The following IQCH variants were observed in gnomAD, a reference collection of about 807,000 sequenced individuals.
IQCH encodes the protein IQ domain-containing protein H.
Under a neutral mutation model 117.0 loss-of-function variants are expected in IQCH, and 98 were observed. The ratio of observed to expected loss-of-function variants is 0.84; its 90% CI spans 0.71 to 0.99. The LOEUF (loss-of-function observed/expected upper bound fraction) is 0.99, where lower values mean the gene tolerates loss of function less well. Among genes scored for constraint, IQCH ranks in the 50% least tolerant of loss-of-function variants. The pLI is 0.00. For synonymous variants in IQCH, 412 were observed against 448.2 expected (o/e 0.92, Z 1.02); for missense variants, 1,102 against 1,243.8 (o/e 0.89, Z 1.72).
intron 4 of IQCH, among the ~76,000 whole-genome samples, chr15:67,310,968 C>G (rs1236711327): frequency 6.6e-6 from 1 of 152,018 alleles, no homozygotes; most frequent in African/African-American, 2.4e-5. Context: ...TTTAGCTCTT[C>G]AATTGTAGTA....
intron 5 of IQCH, among the ~76,000 whole-genome samples, chr15:67,341,696 A>G (rs1214866568): frequency 6.6e-6 from 1 of 152,136 alleles, no homozygotes; most frequent in Non-Finnish European, 1.5e-5. Flanking sequence ...TAAAATGAAC[A>G]CATGTCAAAG....
intron 20 of IQCH, among the ~76,000 whole-genome samples, chr15:67,495,887 C>T (rs1391123481): frequency 6.6e-6 from 1 of 152,148 alleles, no homozygotes; most frequent in Non-Finnish European, 1.5e-5. Flanking sequence ...AATATAGGTA[C>T]AATAACAAAA....
At chr15:67,374,602 G>T (rs1025518251) in intron 10 of IQCH, among the ~76,000 whole-genome samples, 1 of 152,100 alleles carries the variant, frequency 6.6e-6, no homozygotes, top group African/African-American at 2.4e-5. Flanking sequence ...CTTACAGAAG[G>T]TTAAGAAAAT....
rs1014510485 is a variant in IQCH, at chr15:67,387,565, T to G, written c.1457-1266T>G. On this transcript the variant is annotated intron_variant, in intron 11 of 20. Coordinates refer to ENST00000335894, the MANE Select transcript of IQCH (RefSeq NM_001031715.3). The surrounding 1 kb of genome is among the most constrained non-coding windows in gnomAD (Gnocchi z 4.8). The stretch of plus-strand genomic sequence containing the variant: ...AGAGAACACTACTTCATGTTAAATC[T>G]TGCACTGATCAAAAGGAATGTAGGT... Among the ~76,000 whole-genome samples, 2 of 152,092 alleles carry G rather than the reference T, an allele frequency of 1.3e-5. No individual in the cohort carries two copies. The highest frequency in any genetic ancestry group is 4.8e-5 in the African/African-American group (2 of 41,414).
In IQCH at chr15:67,493,595, T is replaced by C. The variant is rs1025751316; in HGVS notation, c.2862-663T>C. Among the ~76,000 whole-genome samples, 3 of 152,184 alleles carry C rather than the reference T, an allele frequency of 2.0e-5. No individual in the cohort carries two copies. Among genetic ancestry groups the C allele is most frequent in the Non-Finnish European group, 4.4e-5 (3 of 68,034 alleles). ...GAATACTGAGATGCAAATGTCTCCA[T>C]AGACAAGGAAATCATTCGGCAAGGA... On this transcript the variant is annotated intron_variant, in intron 19 of 20. Transcript: ENST00000335894. The surrounding 1 kb of genome is among the most constrained non-coding windows in gnomAD (Gnocchi z 5.1).
chr15:67,371,986 A>T (rs1472601557), intron 8 of IQCH, 125 bp from the exon 9 acceptor site: 1 of 802,562 alleles, frequency 1.2e-6, no homozygotes, highest in East Asian at 2.7e-5. Flanking sequence ...GTGTTAAATC[A>T]GTGCTAGGAT....
intron 18 of IQCH, among the ~76,000 whole-genome samples, chr15:67,482,444 A>T (rs748507146): frequency 6.6e-6 from 1 of 152,230 alleles, no homozygotes; most frequent in East Asian, 1.9e-4. Flanking sequence ...AGAGAGCCAG[A>T]CCTGATCTAG....
At chr15:67,261,093 C>A (rs1026682113) in intron 1 of IQCH, among the ~76,000 whole-genome samples, 179 bp from the exon 2 acceptor site, 164 of 126,316 alleles carry the variant, frequency 1.3e-3, no homozygotes, top group Admixed American at 1.4e-3. Context: ...AATTCCATCT[C>A]AAAAAAAAAA....
chr15:67,463,930 C>T lies in IQCH; in HGVS notation c.2506-1197C>T, dbSNP rs1419190799. 6.6e-6 allele frequency among the ~76,000 whole-genome samples: 1 copy of T among 152,140 alleles called. No individual in the cohort carries two copies. The highest frequency in any genetic ancestry group is 2.4e-5 in the African/African-American group (1 of 41,410). On this transcript the variant is annotated intron_variant, in intron 16 of 20. Coordinates refer to ENST00000335894, the MANE Select transcript of IQCH (RefSeq NM_001031715.3). This position sits in a 1 kb window ranked among gnomAD's most constrained non-coding sequence, Gnocchi z 4.0. ...TGATCTCGGCTCACTGAAACCTCTG[C>T]CTCCTGGGTTCAAGCGATTCTCGTG...
At chr15:67,259,630 G>A (rs974943054) in intron 1 of IQCH, among the ~76,000 whole-genome samples, 2 of 152,202 alleles carry the variant, frequency 1.3e-5, no homozygotes, top group Admixed American at 6.5e-5. Flanking sequence ...TCCAGTAGTT[G>A]ATAGACATAA....
chr15:67,316,953 G>A (rs188691276), intron 4 of IQCH, among the ~76,000 whole-genome samples: 159 of 152,214 alleles, frequency 1.0e-3, no homozygotes, highest in African/African-American at 3.4e-3. Context: ...AAATTTCTCT[G>A]CCCCAATCTG....
chr15:67,441,767 C>T (rs1346120576), intron 16 of IQCH, among the ~76,000 whole-genome samples: 2 of 152,146 alleles, frequency 1.3e-5, no homozygotes, highest in Non-Finnish European at 2.9e-5. Context: ...AACCTTAGAA[C>T]TAAAACTGTA....
chr15:67,313,399 G>C (rs760948948), intron 4 of IQCH, among the ~76,000 whole-genome samples: 2 of 152,006 alleles, frequency 1.3e-5, no homozygotes, highest in Non-Finnish European at 2.9e-5. Flanking sequence ...CAGAATCATC[G>C]TCAGGGCCAC....
intron 10 of IQCH, chr15:67,373,731 G>T: frequency 2.0e-6 from 1 of 492,220 alleles, no homozygotes; most frequent in Non-Finnish European, 3.6e-6. Flanking sequence ...CGAAATAACA[G>T]ATAATGTTTT....
rs1054969174 is a variant in IQCH at position 67,387,079 on chromosome 15, C to A, written c.1457-1752C>A. 6.6e-6 allele frequency among the ~76,000 whole-genome samples: 1 copy of A among 152,238 alleles called. No homozygotes were observed. The highest frequency in any genetic ancestry group is 2.1e-4 in the South Asian group (1 of 4,816). ...CTCATTAGTTTGATTTTTAAAACCT[C>A]TACTGTAATTTGGTTAGACGCTAGT... On this transcript the variant is annotated intron_variant, in intron 11 of 20. Coordinates refer to ENST00000335894, the MANE Select transcript of IQCH (RefSeq NM_001031715.3). The surrounding 1 kb of genome is among the most constrained non-coding windows in gnomAD (Gnocchi z 4.8).
rs889426675 is a variant in IQCH, at chr15:67,496,631, A to G, written c.2970+2265A>G. On this transcript the variant is annotated intron_variant, in intron 20 of 20. Coordinates refer to ENST00000335894, the MANE Select transcript of IQCH (RefSeq NM_001031715.3). The surrounding 1 kb of genome is among the most constrained non-coding windows in gnomAD (Gnocchi z 4.4). ...AGGCCAAGGTGGGAGGATTACTTGCACTCAGGAGTTTGAGACCAGCCTGGG... is the reference window on the plus strand; with the variant it reads ...AGGCCAAGGTGGGAGGATTACTTGCGCTCAGGAGTTTGAGACCAGCCTGGG... 2.0e-5 allele frequency among the ~76,000 whole-genome samples: 3 copies of G among 151,304 alleles called. No homozygotes were observed. Among genetic ancestry groups the G allele is most frequent in the African/African-American group, 4.9e-5 (2 of 41,132 alleles).
In IQCH at chr15:67,359,844, T is replaced by C. The variant is rs1357980857; in HGVS notation, c.715-3T>C. 3 of 1,607,592 alleles carry C rather than the reference T, an allele frequency of 1.9e-6. No individual in the cohort carries two copies. Among genetic ancestry groups the C allele is most frequent in the Admixed American group, 1.7e-5 (1 of 59,996 alleles). On this transcript the variant is annotated splice_region_variant and splice_polypyrimidine_tract_variant and intron_variant, in intron 7 of 20. Coordinates refer to ENST00000335894, the MANE Select transcript of IQCH (RefSeq NM_001031715.3). The surrounding 1 kb of genome is among the most constrained non-coding windows in gnomAD (Gnocchi z 4.5). ...TTAAACTGTGTCTCATTCTTCATTGTAGGGGAAAAGCAGAAGGTCAAGAGG... is the reference window on the plus strand; with the variant it reads ...TTAAACTGTGTCTCATTCTTCATTGCAGGGGAAAAGCAGAAGGTCAAGAGG...
intron 16 of IQCH, among the ~76,000 whole-genome samples, chr15:67,438,001 C>T (rs1030795407): frequency 7.9e-5 from 12 of 152,132 alleles, no homozygotes; most frequent in South Asian, 2.1e-4. Flanking sequence ...AAAACTTCCC[C>T]GGCCTTGTGA....
At chr15:67,471,640 G>T (rs1384227189) in intron 17 of IQCH, among the ~76,000 whole-genome samples, 1 of 152,180 alleles carries the variant, frequency 6.6e-6, no homozygotes, top group East Asian at 1.9e-4. Context: ...TGAAATAATT[G>T]ACCTTATCTT....
Sources: gnomAD v4.1 joint callset for allele counts (sites outside exome capture counted in the v4.1 genomes callset) on GRCh38, gnomAD v4.1.1 for gene constraint, Gnocchi (gnomAD v3.1) non-coding constraint, MANE v1.5 for transcripts, NCBI Gene and HGNC (gene_info 2026-07-23, HGNC 2026-07-21) for gene names.